The following NRXN1 variants were observed in gnomAD, a reference collection of about 807,000 sequenced individuals.
NRXN1 encodes neurexin-1.
In NRXN1, 39 loss-of-function variants were observed where a neutral mutation model predicts 150.9. The observed-to-expected ratio is 0.26, with a 90% CI of 0.20 to 0.34. The LOEUF (loss-of-function observed/expected upper bound fraction) is 0.34, where lower values mean the gene tolerates loss of function less well. Among genes scored for constraint, NRXN1 ranks in the 10% least tolerant of loss-of-function variants. The pLI, the probability that NRXN1 is intolerant of heterozygous loss-of-function variation, is 1.00. For synonymous variants in NRXN1, 924 were observed against 757.0 expected (o/e 1.22, Z -3.62); for missense variants, 1,815 against 1,949.9 (o/e 0.93, Z 1.30).
At chr2:50,853,431 T>C (rs563167896) in intron 5 of NRXN1, among the ~76,000 whole-genome samples, 1 of 152,232 alleles carries the variant, frequency 6.6e-6, no homozygotes, top group East Asian at 1.9e-4. Flanking sequence ...ATGTCACAAG[T>C]TTCATTTAAG....
intron 2 of NRXN1, among the ~76,000 whole-genome samples, chr2:50,961,196 A>G (rs1215425682): frequency 2.0e-5 from 3 of 151,918 alleles, no homozygotes; most frequent in Admixed American, 1.3e-4. Flanking sequence ...ACTCAAGCAT[A>G]TATGATAGAG....
intron 8 of NRXN1, among the ~76,000 whole-genome samples, chr2:50,611,838 G>A (rs1458807413): frequency 6.6e-6 from 1 of 152,136 alleles, no homozygotes; most frequent in East Asian, 1.9e-4. Context: ...AACCCGGGGA[G>A]TGGGAAAGAT....
intron 8 of NRXN1, among the ~76,000 whole-genome samples, chr2:50,563,026 C>A (rs1669335591): frequency 1.3e-5 from 2 of 151,900 alleles, no homozygotes; most frequent in Non-Finnish European, 2.9e-5. Context: ...TAATAAATTA[C>A]CAAAAGATAT....
Position 50,217,390 on chromosome 2 carries a change from C to T in NRXN1, c.3546+19399G>A, listed in dbSNP as rs115942221. Among the ~76,000 whole-genome samples the T allele has an allele frequency of 9.3e-3, 1,410 of 152,070 alleles. 26 individuals carry two copies. The highest frequency in any genetic ancestry group is 0.033 in the African/African-American group (1,362 of 41,500). On this transcript the variant is annotated intron_variant, in intron 18 of 22. Coordinates refer to ENST00000401669, the MANE Select transcript of NRXN1 (RefSeq NM_001330078.2). Reference sequence around the variant, plus strand: ...ATGACCCCATATACCATTGTTATTGCTGTATCTGTGCCCATTGACAGTTGA... The same window carrying T: ...ATGACCCCATATACCATTGTTATTGTTGTATCTGTGCCCATTGACAGTTGA...
At chr2:50,442,234 T>C (rs1232953351) in intron 17 of NRXN1, among the ~76,000 whole-genome samples, 1 of 152,218 alleles carries the variant, frequency 6.6e-6, no homozygotes, top group Non-Finnish European at 1.5e-5. Context: ...CTAGTGCCTG[T>C]AAAATATTAG....
intron 5 of NRXN1, among the ~76,000 whole-genome samples, chr2:50,686,911 C>G (rs1559123977): frequency 6.6e-6 from 1 of 152,010 alleles, no homozygotes; most frequent in South Asian, 2.1e-4. Flanking sequence ...AAAATGAAAC[C>G]CTGTGTTTAA....
intron 2 of NRXN1, among the ~76,000 whole-genome samples, chr2:50,971,007 G>A (rs769949249): frequency 2.6e-5 from 4 of 152,030 alleles, no homozygotes; most frequent in Non-Finnish European, 4.4e-5. Context: ...TATCCTGCAA[G>A]AAAAGGTGAC....
Position 50,922,690 on chromosome 2 carries a change from T to G in NRXN1, c.791-3A>C. ...GCCCATCATCAGGTGCGCCAGACCTTGAAGGGAAACAAGAGCACAGTCAGC... is the reference window on the plus strand; with the variant it reads ...GCCCATCATCAGGTGCGCCAGACCTGGAAGGGAAACAAGAGCACAGTCAGC... On this transcript the variant is annotated splice_region_variant and splice_polypyrimidine_tract_variant and intron_variant, in intron 3 of 22. Coordinates refer to ENST00000401669, the MANE Select transcript of NRXN1 (RefSeq NM_001330078.2). 1 of 1,610,186 alleles carries G rather than the reference T, an allele frequency of 6.2e-7. No homozygotes were observed. Among genetic ancestry groups the G allele is most frequent in the Non-Finnish European group, 8.5e-7 (1 of 1,178,026 alleles).
At chr2:50,907,611 A>G (rs376573906) in intron 5 of NRXN1, among the ~76,000 whole-genome samples, 44 of 152,144 alleles carry the variant, frequency 2.9e-4, no homozygotes, top group African/African-American at 1.1e-3. Flanking sequence ...TTACAAGTGG[A>G]AGAAAACAGC....
intron 17 of NRXN1, among the ~76,000 whole-genome samples, chr2:50,281,108 T>A (rs113765793): frequency 0.024 from 3,333 of 140,960 alleles, 129 homozygotes; most frequent in African/African-American, 0.084. Flanking sequence ...ATCGAGACCA[T>A]CCTGGCTAAC....
At chr2:50,999,390 G>GTTTCTA (rs1699746549) in intron 2 of NRXN1, among the ~76,000 whole-genome samples, 1 of 151,942 alleles carries the variant, frequency 6.6e-6, no homozygotes. Context: ...AAATAATCAG[G>GTTTCTA]AATGAAGGTG....
At chr2:50,304,177 T>C (rs749876010) in intron 17 of NRXN1, among the ~76,000 whole-genome samples, 1 of 152,170 alleles carries the variant, frequency 6.6e-6, no homozygotes, top group Non-Finnish European at 1.5e-5. Flanking sequence ...CTTTTGGTTA[T>C]CTATTCTGGG....
At chr2:50,085,419 A>G (rs1698638221) in intron 19 of NRXN1, among the ~76,000 whole-genome samples, 1 of 152,118 alleles carries the variant, frequency 6.6e-6, no homozygotes. Context: ...TTACTTTTAG[A>G]GGAAGGAAAA....
At chr2:50,857,752 C>T (rs1174361312) in intron 5 of NRXN1, among the ~76,000 whole-genome samples, 1 of 151,996 alleles carries the variant, frequency 6.6e-6, no homozygotes, top group East Asian at 1.9e-4. Flanking sequence ...CTACAATTCT[C>T]ACCTCCTGTG....
At chr2:50,483,276 A>T (rs1314550354) in intron 15 of NRXN1, among the ~76,000 whole-genome samples, 1 of 152,064 alleles carries the variant, frequency 6.6e-6, no homozygotes, top group Admixed American at 6.5e-5. Context: ...AGTTCTGGGA[A>T]TTTCCCACTC....
chr2:50,223,053 G>A (rs955010959), intron 18 of NRXN1, among the ~76,000 whole-genome samples: 1 of 151,532 alleles, frequency 6.6e-6, no homozygotes, highest in African/African-American at 2.4e-5. Flanking sequence ...TCATCCGTAG[G>A]CAACAAATAA....
At chr2:50,865,984 C>G (rs1448071083) in intron 5 of NRXN1, among the ~76,000 whole-genome samples, 1 of 151,642 alleles carries the variant, frequency 6.6e-6, no homozygotes, top group Non-Finnish European at 1.5e-5. Context: ...AAACGAACTC[C>G]AAACCAATTT....
chr2:50,163,122 T>C (rs1369088250), intron 18 of NRXN1, among the ~76,000 whole-genome samples: 1 of 144,442 alleles, frequency 6.9e-6, no homozygotes, highest in Non-Finnish European at 1.5e-5. Flanking sequence ...GCAAAAATAA[T>C]TTCAACTATA....
At chr2:50,712,222 AAAC>A (rs1243654751) in intron 5 of NRXN1, among the ~76,000 whole-genome samples, 2 of 152,156 alleles carry the variant, frequency 1.3e-5, no homozygotes. Context: ...AACACATTAT[AAAC>A]ATCAGGTTCC....
Sources: allele counts gnomAD v4.1 joint callset (sites outside exome capture counted in the v4.1 genomes callset), GRCh38; gene constraint gnomAD v4.1.1; transcripts MANE v1.5; gene names NCBI Gene and HGNC (gene_info 2026-07-23, HGNC 2026-07-21).